The following PCDH11X variants were observed in gnomAD, a reference collection of about 807,000 sequenced individuals.
The protein encoded by PCDH11X is protocadherin-11 X-linked.
PCDH11X carries 18 observed loss-of-function variants against 53.3 expected under a neutral mutation model. That is an observed-to-expected ratio of 0.34 (90% CI 0.23 to 0.50). The LOEUF (loss-of-function observed/expected upper bound fraction) is 0.50, where lower values mean the gene tolerates loss of function less well. Ranked by LOEUF, PCDH11X falls within the 20% of genes least tolerant of loss-of-function variation. The pLI is 0.98. For missense variants in PCDH11X, 570 were observed against 1,032.4 expected (o/e 0.55, Z 6.14); for synonymous variants, 279 against 393.3 (o/e 0.71, Z 3.44).
chrX:91,939,948 A>G (rs1452362006), intron 6 of PCDH11X, among the ~76,000 whole-genome samples: 1 of 111,015 alleles, frequency 9.0e-6, no homozygotes, highest in Non-Finnish European at 1.9e-5. Flanking sequence ...TAGTTTTTGT[A>G]TCATTAAACT....
intron 10 of PCDH11X, among the ~76,000 whole-genome samples, chrX:92,481,787 T>C (rs1448712565): frequency 9.1e-6 from 1 of 110,145 alleles, no homozygotes; most frequent in Non-Finnish European, 1.9e-5. Flanking sequence ...AGGCTGCCCT[T>C]ACTACTTCTC....
intron 6 of PCDH11X, among the ~76,000 whole-genome samples, chrX:91,895,776 T>C (rs1940721332): frequency 9.3e-6 from 1 of 107,611 alleles, no homozygotes; most frequent in African/African-American, 3.3e-5. Context: ...TATTTATGTG[T>C]ATCATATATT....
At chrX:91,781,279 G>A (rs1247134991) in intron 1 of PCDH11X, among the ~76,000 whole-genome samples, 1 of 108,818 alleles carries the variant, frequency 9.2e-6, no homozygotes, top group Non-Finnish European at 1.9e-5. Flanking sequence ...AAAGTGTGTG[G>A]AAGAAACTGG....
chrX:92,198,759 T>C (rs2066340594), intron 6 of PCDH11X, among the ~76,000 whole-genome samples: 1 of 111,677 alleles, frequency 9.0e-6, no homozygotes, highest in Non-Finnish European at 1.9e-5. Context: ...AAATATATTT[T>C]CCATTTATTG....
chrX:92,221,248 T>TA (rs1341868005), intron 7 of PCDH11X, among the ~76,000 whole-genome samples: 1 of 35,219 alleles, frequency 2.8e-5, no homozygotes, highest in Non-Finnish European at 7.0e-5. Context: ...AATTGCTCAT[T>TA]TTTTTTTTAA....
At chrX:92,186,541 C>A (rs2066098902) in intron 6 of PCDH11X, among the ~76,000 whole-genome samples, 1 of 104,809 alleles carries the variant, frequency 9.5e-6, no homozygotes, top group African/African-American at 3.5e-5. Context: ...GGCAGAAGAA[C>A]GGCTTGAACC....
Position 92,111,252 on chromosome X carries a change from T to A in PCDH11X, c.3034-90123T>A, listed in dbSNP as rs1201081291. Among the ~76,000 whole-genome samples, 45 of 46,876 alleles carry A rather than the reference T, an allele frequency of 9.6e-4. No homozygotes were observed. The East Asian group carries it at 0.019, about 20-fold the overall frequency. 40.7% of individuals were successfully genotyped at this position (46,876 alleles called of 115,157 possible). Reference sequence around the variant, plus strand: ...AAAAAAAAAAAAAAAAAAAAAAAAATCAGCGTCAACTACTTTCTAAGCATA... The same window carrying A: ...AAAAAAAAAAAAAAAAAAAAAAAAAACAGCGTCAACTACTTTCTAAGCATA... On this transcript the variant is annotated intron_variant, in intron 6 of 10. Transcript: ENST00000682573.
intron 10 of PCDH11X, among the ~76,000 whole-genome samples, chrX:92,475,853 A>G (rs2073371521): frequency 9.0e-6 from 1 of 111,684 alleles, no homozygotes; most frequent in South Asian, 3.7e-4. Context: ...TAGATTCTGT[A>G]GTTGTATGTC....
In PCDH11X at chrX:92,611,990, A is replaced by G. The variant is rs902097910; in HGVS notation, c.3368-6274A>G. On this transcript the variant is annotated intron_variant, in intron 10 of 10. Transcript: ENST00000682573. Reference sequence around the variant, plus strand: ...GAAGTGCTGTTGGATTCAGTTTCCTAGTATATTTTTTTTGACAATTTTTGT... The same window carrying G: ...GAAGTGCTGTTGGATTCAGTTTCCTGGTATATTTTTTTTGACAATTTTTGT... Among the ~76,000 whole-genome samples, 6 of 104,620 alleles carry G rather than the reference A, an allele frequency of 5.7e-5. No homozygotes were observed. The Admixed American group carries it at 6.3e-4, about 11-fold the overall frequency. 90.8% of individuals were successfully genotyped at this position (104,620 alleles called of 115,157 possible).
chrX:92,256,432 C>A (rs1016743975), intron 7 of PCDH11X, among the ~76,000 whole-genome samples: 2 of 110,670 alleles, frequency 1.8e-5, no homozygotes, highest in African/African-American at 6.6e-5. Flanking sequence ...AGCTGTAGAC[C>A]GGAGCTGTTC....
intron 10 of PCDH11X, among the ~76,000 whole-genome samples, chrX:92,575,978 G>GTATATATA (rs1173562560): frequency 5.4e-5 from 1 of 18,447 alleles, no homozygotes; most frequent in Non-Finnish European, 8.5e-5. Flanking sequence ...CACCTGGGGT[G>GTATATATA]TATATATATA....
At chrX:92,186,258 G>T (rs972617701) in intron 6 of PCDH11X, among the ~76,000 whole-genome samples, 7 of 112,104 alleles carry the variant, frequency 6.2e-5, no homozygotes, top group Non-Finnish European at 1.1e-4. Flanking sequence ...GCCAGGCACA[G>T]AAATAGGCAC....
At chrX:91,821,677 C>T (rs1489755123) in intron 4 of PCDH11X, among the ~76,000 whole-genome samples, 9 of 103,879 alleles carry the variant, frequency 8.7e-5, no homozygotes, top group Non-Finnish European at 1.3e-4. Context: ...CCTTCTCCTG[C>T]CTAATTGGCC....
rs769570653 is a variant in PCDH11X, at chrX:91,940,430, T to C, written c.3033+61157T>C. Among the ~76,000 whole-genome samples the C allele has an allele frequency of 9.8e-5, 11 of 112,019 alleles. No homozygotes were observed. The South Asian group carries it at 4.0e-3, about 41-fold the overall frequency. On this transcript the variant is annotated intron_variant, in intron 6 of 10. Coordinates refer to ENST00000682573, the MANE Select transcript of PCDH11X (RefSeq NM_032968.5). ...GAGTTTATAACATATATAAGTAAAA[T>C]GTATTTCAATAATAGCATAAAAGTT...
At chrX:92,350,071 T>TATAA (rs2070005378) in intron 8 of PCDH11X, among the ~76,000 whole-genome samples, 1 of 110,944 alleles carries the variant, frequency 9.0e-6, no homozygotes. Context: ...ACATATACAC[T>TATAA]GAAGTTGTGA....
At chrX:92,092,135 C>A (rs1178790274) in intron 6 of PCDH11X, among the ~76,000 whole-genome samples, 2 of 111,741 alleles carry the variant, frequency 1.8e-5, no homozygotes, top group Non-Finnish European at 3.8e-5. Flanking sequence ...ACTCCCCAGA[C>A]CCCTTAGACA....
At chrX:92,282,325 C>G (rs2068268426) in intron 8 of PCDH11X, among the ~76,000 whole-genome samples, 1 of 111,132 alleles carries the variant, frequency 9.0e-6, no homozygotes, top group Non-Finnish European at 1.9e-5. Flanking sequence ...AAATACAAAA[C>G]CTACAGGATT....
chrX:92,469,948 G>C, intron 10 of PCDH11X, among the ~76,000 whole-genome samples: 1 of 107,151 alleles, frequency 9.3e-6, no homozygotes, highest in South Asian at 4.1e-4. Context: ...GAAGAATGTC[G>C]TGATTATTTT....
At chrX:91,962,174 T>C (rs2061797351) in intron 6 of PCDH11X, among the ~76,000 whole-genome samples, 1 of 108,093 alleles carries the variant, frequency 9.3e-6, no homozygotes, top group Non-Finnish European at 1.9e-5. Flanking sequence ...TATTCCTGTA[T>C]TAAACCAAAA....
Sources: allele counts gnomAD v4.1 joint callset (sites outside exome capture counted in the v4.1 genomes callset), GRCh38; gene constraint gnomAD v4.1.1; transcripts MANE v1.5; gene names NCBI Gene and HGNC (gene_info 2026-07-23, HGNC 2026-07-21).